Variants in AGTPBP1 observed in about 807,000 individuals in gnomAD.
AGTPBP1 encodes ATP/GTP binding carboxypeptidase 1, also known as cytosolic carboxypeptidase 1.
A neutral mutation model predicts 143.9 loss-of-function variants in AGTPBP1; 70 were observed. The observed-to-expected ratio is 0.49, with a 90% CI of 0.40 to 0.59. The LOEUF is 0.59. Ranked by LOEUF, AGTPBP1 falls within the 20% of genes least tolerant of loss-of-function variation. AGTPBP1 has a pLI of 0.00. For synonymous variants in AGTPBP1, 463 were observed against 500.2 expected, an observed-to-expected ratio of 0.93 and a Z score of 0.99; for missense variants, 1,229 against 1,464.5, an observed-to-expected ratio of 0.84 and a Z score of 2.62.
At chr9:85,688,014 C>T (rs1407628701) in intron 3 of AGTPBP1, among the ~76,000 whole-genome samples, 2 of 143,594 alleles carry the variant, frequency 1.4e-5, no homozygotes, top group African/African-American at 5.3e-5. Context: ...CACTTGAACC[C>T]AGGAGGCAGA....
chr9:85,563,981 A>C (rs1205218487), intron 25 of AGTPBP1, among the ~76,000 whole-genome samples: 1 of 152,228 alleles, frequency 6.6e-6, no homozygotes, highest in African/African-American at 2.4e-5. Flanking sequence ...TGAGCCCCAG[A>C]ATTCACCAGC....
chr9:85,594,539 C>G (rs1277600539), intron 18 of AGTPBP1, among the ~76,000 whole-genome samples: 1 of 151,932 alleles, frequency 6.6e-6, no homozygotes, highest in Non-Finnish European at 1.5e-5. Flanking sequence ...TGCAGTGAGT[C>G]GGACTGCACC....
At chr9:85,781,055 T>G in the AGTPBP1 span, 1 of 1,083,010 alleles carries the variant, frequency 9.2e-7, no homozygotes, top group Non-Finnish European at 1.2e-6. Flanking sequence ...TGGCGGAGCT[T>G]ACAGTGAGCC....
the AGTPBP1 span, among the ~76,000 whole-genome samples, chr9:85,774,839 G>A: frequency 6.6e-6 from 1 of 152,150 alleles, no homozygotes; most frequent in Non-Finnish European, 1.5e-5. Flanking sequence ...TTCTGTCACT[G>A]GTTAATTAGC....
chr9:85,688,146 C>A (rs2134224574), intron 3 of AGTPBP1, among the ~76,000 whole-genome samples: 2 of 110,022 alleles, frequency 1.8e-5, no homozygotes, highest in South Asian at 3.1e-4. Context: ...ATATTAAACT[C>A]AAAACAAGCA....
chr9:85,675,961 G>T (rs1834804645), intron 6 of AGTPBP1, among the ~76,000 whole-genome samples: 1 of 152,108 alleles, frequency 6.6e-6, no homozygotes, highest in African/African-American at 2.4e-5. Flanking sequence ...GGAGGCAGAG[G>T]TTGCAGTGAG....
chr9:85,721,809 C>A (rs968384933), intron 1 of AGTPBP1, among the ~76,000 whole-genome samples: 1 of 152,030 alleles, frequency 6.6e-6, no homozygotes, highest in East Asian at 1.9e-4. Context: ...TGGCTGGTAC[C>A]AGTTGTTCCT....
intron 17 of AGTPBP1, among the ~76,000 whole-genome samples, chr9:85,599,628 T>A (rs1419028874): frequency 2.6e-5 from 4 of 152,232 alleles, no homozygotes; most frequent in Admixed American, 2.0e-4. Context: ...TAAGTTCCAA[T>A]ACTTCTATCT....
chr9:85,780,532 G>A, the AGTPBP1 span, among the ~76,000 whole-genome samples: 2 of 151,404 alleles, frequency 1.3e-5, no homozygotes, highest in South Asian at 2.1e-4. Context: ...CTTTACAGAA[G>A]ATACTAAAGC....
chr9:85,772,455 A>G, the AGTPBP1 span, among the ~76,000 whole-genome samples: 1 of 152,168 alleles, frequency 6.6e-6, no homozygotes, highest in Non-Finnish European at 1.5e-5. Flanking sequence ...AGTAGACAAA[A>G]TGCATAACAT....
At chr9:85,594,962 CAGAT>C (rs1390317294) in intron 18 of AGTPBP1, among the ~76,000 whole-genome samples, 1 of 152,186 alleles carries the variant, frequency 6.6e-6, no homozygotes, top group Admixed American at 6.5e-5. Context: ...AAGCACTGCT[CAGAT>C]AGTTTCACCC....
intron 6 of AGTPBP1, 112 bp downstream of exon 6, chr9:85,677,324 A>C: frequency 1.1e-6 from 1 of 941,770 alleles, no homozygotes. Context: ...TTGTGTATCC[A>C]TAGAAATTTA....
At chr9:85,642,317 T>C (rs540276744) in intron 13 of AGTPBP1, among the ~76,000 whole-genome samples, 40 of 151,868 alleles carry the variant, frequency 2.6e-4, no homozygotes, top group Non-Finnish European at 5.0e-4. Context: ...TGACAAAAAA[T>C]GTAATAGTCC....
At chr9:85,742,335 C>T (rs910898417), upstream of AGTPBP1, among the ~76,000 whole-genome samples, 2 of 152,080 alleles carry the variant, frequency 1.3e-5, no homozygotes, top group Non-Finnish European at 2.9e-5. Context: ...CCAGCCTTTT[C>T]CCGGAACTAA....
chr9:85,588,408 T>C lies in AGTPBP1; in HGVS notation c.2793A>G (p.Lys931=). 6.2e-7 allele frequency: 1 copy of C among 1,613,552 alleles called. No individual in the cohort carries two copies. Among genetic ancestry groups the C allele is most frequent in the Non-Finnish European group, 8.5e-7 (1 of 1,179,692 alleles). The change falls in exon 21 of 26, where the codon AAA becomes AAG. Residue 931 remains lysine (K), a synonymous_variant. Transcript: ENST00000357081. The stretch of plus-strand genomic sequence containing the variant: ...TGCTCATGAGATATTCCAACGTTCC[T>C]TTCATAACCCAACTTGCATTAGTTT... The part of the protein sequence containing the change: ...PGETNASWVM[K]GTLEYLMSNN...
intron 3 of AGTPBP1, among the ~76,000 whole-genome samples, chr9:85,688,823 C>T (rs1380707108): frequency 1.3e-5 from 2 of 152,272 alleles, no homozygotes; most frequent in African/African-American, 4.8e-5. Flanking sequence ...GTAGTATATG[C>T]TTGTTGCAAC....
At chr9:85,585,803 T>C (rs193234356) in intron 22 of AGTPBP1, among the ~76,000 whole-genome samples, 1 of 152,360 alleles carries the variant, frequency 6.6e-6, no homozygotes, top group Non-Finnish European at 1.5e-5. Flanking sequence ...TGCCAAATCC[T>C]TTCAAGGTCC....
Position 85,585,540 on chromosome 9 carries a change from A to C in AGTPBP1, c.3088T>G (p.Cys1030Gly). The C allele has an allele frequency of 6.2e-7, 1 of 1,610,982 alleles. No homozygotes were observed. The highest frequency in any genetic ancestry group is 8.5e-7 in the Non-Finnish European group (1 of 1,178,592). The change falls in exon 23 of 26, where the codon TGC (cysteine) becomes GGC (glycine). Residue 1030 changes from cysteine (C) to glycine (G), a missense_variant. Around this residue, in one of 2 missense-constraint regions of AGTPBP1, gnomAD observed 486 missense variants for 652.3 expected, o/e 0.75. Transcript: ENST00000357081. ...SRKKNVFMYG[C>G]SIKETVWHTN... ...TGCCACACTGTCTCTTTGATGCTGC[A>C]ACCATACATAAATACATTCTTCTTT...
intron 3 of AGTPBP1, among the ~76,000 whole-genome samples, chr9:85,690,369 T>C (rs895996809): frequency 4.6e-5 from 7 of 152,194 alleles, no homozygotes; most frequent in Non-Finnish European, 1.0e-4. Flanking sequence ...ACAGAGTCAC[T>C]ATATTATACA....
Sources: allele counts gnomAD v4.1 joint callset (sites outside exome capture counted in the v4.1 genomes callset), GRCh38; gene constraint gnomAD v4.1.1; regional missense constraint gnomAD v4.1.1; transcripts MANE v1.5; gene names NCBI Gene and HGNC (gene_info 2026-07-23, HGNC 2026-07-21).